Variants in SNED1 observed in about 807,000 individuals in gnomAD.
SNED1 encodes the protein sushi, nidogen and EGF-like domain-containing protein 1.
A neutral mutation model predicts 166.7 loss-of-function variants in SNED1; 81 were observed. The observed-to-expected ratio is 0.49, with a 90% confidence interval of 0.41 to 0.58. The LOEUF is 0.58. SNED1 is among the 20% of genes least tolerant of loss of function. The probability of loss-of-function intolerance (pLI) is 0.00; values close to 1 mark genes in which losing one functional copy is unlikely to be tolerated. For missense variants in SNED1, 1,604 were observed against 2,000.2 expected (o/e 0.80, Z 3.78); for synonymous variants, 762 against 822.0 (o/e 0.93, Z 1.25).
In SNED1 at chr2:241,068,974, GGA is replaced by G; in HGVS notation, c.3260_3261del (p.Glu1087AlafsTer116). ...CCACCCTCAGTGGGCTCAGGGGAGAGGAGCACCCCACAGAGAGCCTGGCCACC... is the reference window on the plus strand; with the variant it reads ...CCACCCTCAGTGGGCTCAGGGGAGAGGCACCCCACAGAGAGCCTGGCCACC... ...LTTLSGLRGE[E>X]HPTESLATAP... On this transcript the variant is annotated frameshift_variant, in exon 23 of 32. Transcript: ENST00000310397. LOFTEE classifies it high-confidence loss of function. This position sits in a 1 kb window ranked among gnomAD's most constrained non-coding sequence, Gnocchi z 5.3. 1 of 1,557,164 alleles carries G rather than the reference GGA, an allele frequency of 6.4e-7. No individual in the cohort carries two copies. The highest frequency in any genetic ancestry group is 8.7e-7 in the Non-Finnish European group (1 of 1,150,784).
At position 241,090,571 on chromosome 2, in the gene SNED1, G is replaced by T. The variant is rs756438029; in HGVS notation, c.*2-1067G>T. 28 of 1,149,586 alleles carry T rather than the reference G, an allele frequency of 2.4e-5. No homozygotes were observed. In the Middle Eastern group the frequency reaches 9.3e-4, roughly 38 times the overall value. 71.2% of individuals were successfully genotyped at this position (1,149,586 alleles called of 1,614,324 possible). On this transcript the variant is annotated intron_variant, in intron 31 of 31. Coordinates refer to ENST00000310397, the MANE Select transcript of SNED1 (RefSeq NM_001080437.3). The stretch of plus-strand genomic sequence containing the variant: ...CTTCTATACACAGGGCAGTGCAGTA[G>T]GTTTGTATACACCAGCATCACCACA...
chr2:241,002,180 C>G (rs747395675), intron 1 of SNED1, among the ~76,000 whole-genome samples: 3 of 152,150 alleles, frequency 2.0e-5, no homozygotes, highest in African/African-American at 7.2e-5. Context: ...CAGGTCATAC[C>G]TGTGACACAC....
chr2:241,023,888 CT>C (rs34234341), intron 1 of SNED1, among the ~76,000 whole-genome samples: 46 of 91,992 alleles, frequency 5.0e-4, no homozygotes, highest in Middle Eastern at 0.011. Context: ...TTTTTTTTTC[CT>C]TTTTTTTTTT....
chr2:241,050,831 T>TG (rs1280841304), intron 12 of SNED1, among the ~76,000 whole-genome samples: 3 of 150,834 alleles, frequency 2.0e-5, no homozygotes, highest in Admixed American at 1.3e-4. Context: ...GTACCCAAGG[T>TG]GGGGGTCCTA....
Position 241,051,802 on chromosome 2 carries a change from G to A in SNED1, c.1794G>A (p.Ala598=), listed in dbSNP as rs779788904. 86 of 1,561,332 alleles carry A rather than the reference G, an allele frequency of 5.5e-5. No individual in the cohort carries two copies. Among genetic ancestry groups the A allele is most frequent in the Middle Eastern group, 3.3e-4 (2 of 6,012 alleles). Residue 598 remains alanine (A), a synonymous_variant, in exon 13 of 32, where the codon GCG becomes GCA. Coordinates refer to ENST00000310397, the MANE Select transcript of SNED1 (RefSeq NM_001080437.3). The surrounding 1 kb of genome is among the most constrained non-coding windows in gnomAD (Gnocchi z 4.7). ...GGAACGGGGGCACGTGCAAGGAGGC[G>A]GGCGGCGAGTACCACTGCAGCTGCC... ...PCRNGGTCKE[A]GGEYHCSCPY... is the part of the protein sequence containing the mutation.
intron 1 of SNED1, among the ~76,000 whole-genome samples, chr2:241,008,318 CT>C (rs1352861112): frequency 3.9e-5 from 6 of 152,224 alleles, no homozygotes; most frequent in Non-Finnish European, 7.4e-5. Context: ...ACCCGGGGCA[CT>C]CCTAACTAAC....
At chr2:241,066,742 G>T (rs1262405980) in intron 21 of SNED1, among the ~76,000 whole-genome samples, 5 of 152,182 alleles carry the variant, frequency 3.3e-5, no homozygotes, top group Non-Finnish European at 7.4e-5. Context: ...GCGGGTAGGT[G>T]GGGAGGAGCT....
intron 31 of SNED1, chr2:241,090,242 A>G (rs571065593): frequency 1.8e-3 from 2,739 of 1,497,472 alleles, no homozygotes; most frequent in Non-Finnish European, 2.3e-3. Flanking sequence ...TTTGTTAAAA[A>G]CTAAGACACA....
In SNED1 at chr2:241,062,841, GA is replaced by G. The variant is rs1446313905; in HGVS notation, c.2309del (p.Asp770AlafsTer98). The G allele has an allele frequency of 6.2e-7, 1 of 1,612,032 alleles. No individual in the cohort carries two copies. Among genetic ancestry groups the G allele is most frequent in the African/African-American group, 1.3e-5 (1 of 75,062 alleles). On this transcript the variant is annotated frameshift_variant, in exon 17 of 32. Coordinates refer to ENST00000310397, the MANE Select transcript of SNED1 (RefSeq NM_001080437.3). LOFTEE classifies it high-confidence loss of function. ...QPCLHGGSCQ[D>X]RVAGYLCLCS... ...GTGCCTGCATGGGGGCTCTTGTCAG[GA>G]CCGCGTTGCTGGGTACCTGTGCCTC...
rs147240520 is a variant in SNED1 at position 241,026,101 on chromosome 2, C to T, written c.214-4183C>T. On this transcript the variant is annotated intron_variant, in intron 1 of 31. Transcript: ENST00000310397. ...CACGATCTTGGCTCACTGCAACCTC[C>T]GCCTCCCGGGTTCAAGCAATTCTCC... 9.2e-4 allele frequency among the ~76,000 whole-genome samples: 135 copies of T among 146,508 alleles called. 1 individual carries two copies. The highest frequency in any genetic ancestry group is 3.4e-3 in the Middle Eastern group (1 of 290).
At chr2:241,053,370 C>T (rs779414040) in intron 16 of SNED1, 44 bp downstream of exon 16, 64 of 1,510,426 alleles carry the variant, frequency 4.2e-5, no homozygotes, top group East Asian at 1.8e-4. Context: ...GGGCCCACAC[C>T]CTCCTCATCC....
chr2:241,086,138 A>G (rs1353286696), intron 29 of SNED1, among the ~76,000 whole-genome samples: 1 of 152,132 alleles, frequency 6.6e-6, no homozygotes, highest in African/African-American at 2.4e-5. Flanking sequence ...AAGTGCTGGT[A>G]TTACAGGAGT....
intron 1 of SNED1, among the ~76,000 whole-genome samples, chr2:241,012,008 G>A (rs747472262): frequency 3.3e-5 from 5 of 152,206 alleles, no homozygotes; most frequent in Admixed American, 6.5e-5. Flanking sequence ...GGCAGGCGGC[G>A]GGTGGGCCCG....
intron 17 of SNED1, 156 bp from the exon 18 acceptor site, chr2:241,063,431 G>T: frequency 1.5e-6 from 1 of 656,016 alleles, no homozygotes; most frequent in Non-Finnish European, 2.8e-6. Flanking sequence ...GGAGGGGTGG[G>T]TTTGGGGCTG....
At chr2:241,050,180 C>T (rs765719255) in intron 12 of SNED1, 14 of 564,306 alleles carry the variant, frequency 2.5e-5, no homozygotes, top group Non-Finnish European at 3.8e-5. Flanking sequence ...GGCTTCATTG[C>T]CTGCTCAGCA....
intron 1 of SNED1, among the ~76,000 whole-genome samples, chr2:241,027,730 TCTG>T (rs948955430): frequency 6.8e-6 from 1 of 147,900 alleles, no homozygotes; most frequent in South Asian, 2.2e-4. Context: ...GTTATTTTCT[TCTG>T]TTTTTTTTTT....
intron 1 of SNED1, among the ~76,000 whole-genome samples, chr2:241,027,592 G>C (rs769945397): frequency 2.0e-5 from 3 of 152,042 alleles, no homozygotes; most frequent in Non-Finnish European, 2.9e-5. Context: ...GAAATTGCTG[G>C]GTCATATGGT....
At position 241,068,783 on chromosome 2, in the gene SNED1, C is replaced by CTG. The variant is rs1300496496; in HGVS notation, c.3195-128_3195-127insTG. ...ATGAGTCTGCCCCTCGTGGAGGTTG[C>CTG]CTGGGCCACCAGCAGCAGGATGACC... On this transcript the variant is annotated intron_variant, in intron 22 of 31. Coordinates refer to ENST00000310397, the MANE Select transcript of SNED1 (RefSeq NM_001080437.3). This position sits in a 1 kb window ranked among gnomAD's most constrained non-coding sequence, Gnocchi z 5.3. The CTG allele has an allele frequency of 1.5e-6, 1 of 657,784 alleles. No individual in the cohort carries two copies. Among genetic ancestry groups the CTG allele is most frequent in the Non-Finnish European group, 2.7e-6 (1 of 377,334 alleles). 40.7% of individuals were successfully genotyped at this position (657,784 alleles called of 1,614,324 possible). A position where few individuals can be genotyped will look rare whatever the true frequency, so the allele number is the denominator to read the frequency against.
At chr2:241,063,510 A>G in intron 17 of SNED1, 77 bp from the exon 18 acceptor site, 1 of 924,642 alleles carries the variant, frequency 1.1e-6, no homozygotes, top group Non-Finnish European at 1.7e-6. Flanking sequence ...AGCCCCAGGA[A>G]ATGCACGGAA....
Sources: allele counts gnomAD v4.1 joint callset (sites outside exome capture counted in the v4.1 genomes callset), GRCh38; gene constraint gnomAD v4.1.1; non-coding constraint Gnocchi (gnomAD v3.1); transcripts MANE v1.5; gene names NCBI Gene and HGNC (gene_info 2026-07-23, HGNC 2026-07-21).